Variants in RSPH3 observed in about 807,000 individuals in gnomAD.
RSPH3 encodes radial spoke head protein 3 homolog.
RSPH3 carries 21 observed loss-of-function variants against 43.8 expected under a neutral mutation model. That is an observed-to-expected ratio of 0.48 (90% CI 0.34 to 0.69). The LOEUF is 0.69. Ranked by LOEUF, RSPH3 falls within the 30% of genes least tolerant of loss-of-function variation. The probability of loss-of-function intolerance (pLI) is 0.01; values close to 1 mark genes in which losing one functional copy is unlikely to be tolerated. For synonymous variants in RSPH3, 173 were observed against 179.8 expected (o/e 0.96, Z 0.30); for missense variants, 487 against 516.0 (o/e 0.94, Z 0.54).
At chr6:158,988,911 C>G (rs751405350) in intron 2 of RSPH3, among the ~76,000 whole-genome samples, 8 of 152,078 alleles carry the variant, frequency 5.3e-5, no homozygotes, top group Admixed American at 1.3e-4. Flanking sequence ...TGCTTTGTCC[C>G]TTTAAGTAGG....
chr6:158,963,778 G>C, the RSPH3 span, among the ~76,000 whole-genome samples: 5 of 152,028 alleles, frequency 3.3e-5, no homozygotes, highest in African/African-American at 9.6e-5. Context: ...CTTTTGTAGA[G>C]ACAGGGTCTC....
At chr6:158,992,601 A>C (rs1778454248) in intron 2 of RSPH3, among the ~76,000 whole-genome samples, 1 of 151,944 alleles carries the variant, frequency 6.6e-6, no homozygotes, top group South Asian at 2.1e-4. Context: ...GCCTCTGAGC[A>C]TATTTAAGGT....
At chr6:158,991,763 C>G (rs1778416433) in intron 2 of RSPH3, among the ~76,000 whole-genome samples, 1 of 152,204 alleles carries the variant, frequency 6.6e-6, no homozygotes, top group Non-Finnish European at 1.5e-5. Flanking sequence ...GGTTCTAATG[C>G]AGGAGATCCA....
Position 158,976,517 on chromosome 6 carries a change from A to G in RSPH3, c.*1021T>C, listed in dbSNP as rs1418931254. 2 of 152,220 alleles carry G rather than the reference A, an allele frequency of 1.3e-5. No individual in the cohort carries two copies. The highest frequency in any genetic ancestry group is 4.8e-5 in the African/African-American group (2 of 41,454). The allele number at this position is 152,220 out of a possible 1,614,324, so 9.4% of individuals were successfully genotyped here. ...ATTTATATAAAGAAAATCAAGCTAT[A>G]TATTTCTAGATTTTCAAATACATTT... On this transcript the variant is annotated 3_prime_UTR_variant, in exon 8 of 8. Coordinates refer to ENST00000367069, the MANE Select transcript of RSPH3 (RefSeq NM_031924.8).
intron 1 of RSPH3, among the ~76,000 whole-genome samples, chr6:158,995,895 A>G (rs1034189915): frequency 3.3e-5 from 5 of 151,998 alleles, no homozygotes. Context: ...CACCGTGCCC[A>G]TCCTTCTTCT....
chr6:158,999,153 C>T (rs902497031), intron 1 of RSPH3, among the ~76,000 whole-genome samples: 3 of 152,232 alleles, frequency 2.0e-5, no homozygotes, highest in Admixed American at 1.3e-4. Flanking sequence ...TCAATACACA[C>T]TGGTACAATT....
At chr6:158,993,411 C>T (rs1046074848) in intron 2 of RSPH3, among the ~76,000 whole-genome samples, 3 of 149,888 alleles carry the variant, frequency 2.0e-5, no homozygotes, top group Non-Finnish European at 4.4e-5. Context: ...CCACCGCGCC[C>T]GGCCAACTGG....
intron 1 of RSPH3, among the ~76,000 whole-genome samples, chr6:158,995,579 T>C (rs1018990155): frequency 2.0e-5 from 3 of 151,960 alleles, no homozygotes; most frequent in Admixed American, 6.6e-5. Context: ...TCCTGTGCCT[T>C]CTTCTTTCAC....
At chr6:158,987,803 A>T (rs571337712) in intron 2 of RSPH3, among the ~76,000 whole-genome samples, 2 of 152,258 alleles carry the variant, frequency 1.3e-5, no homozygotes, top group East Asian at 3.9e-4. Flanking sequence ...CATTGCACAT[A>T]TTTTTATATC....
chr6:158,970,504 C>A (rs1375841339), downstream of RSPH3, among the ~76,000 whole-genome samples: 2 of 152,148 alleles, frequency 1.3e-5, no homozygotes, highest in African/African-American at 4.8e-5. Context: ...CAGTCCTACA[C>A]ATGTACCCTA....
downstream of RSPH3, among the ~76,000 whole-genome samples, chr6:158,970,886 G>A (rs1263503847): frequency 1.3e-5 from 2 of 152,088 alleles, no homozygotes; most frequent in Non-Finnish European, 2.9e-5. Context: ...TATCACCACT[G>A]CACTCTCAAG....
At position 158,983,922 on chromosome 6, in the gene RSPH3, C is replaced by T. The variant is rs910718529; in HGVS notation, c.347-115G>A. 19 of 699,384 alleles carry T rather than the reference C, an allele frequency of 2.7e-5. No individual in the cohort carries two copies. The Admixed American group carries it at 4.6e-4, about 17-fold the overall frequency. 43.3% of individuals were successfully genotyped at this position (699,384 alleles called of 1,614,324 possible). A position where few individuals can be genotyped will look rare whatever the true frequency, so the allele number is the denominator to read the frequency against. ...GCCGAGGAGGGTGCATTACTTGAAG[C>T]CAGGAGTTTGAGACCAGCCTGGCCA... On this transcript the variant is annotated intron_variant, in intron 3 of 7. Coordinates refer to ENST00000367069, the MANE Select transcript of RSPH3 (RefSeq NM_031924.8).
At chr6:158,968,610 C>T (rs1425196188), downstream of RSPH3, among the ~76,000 whole-genome samples, 2 of 152,160 alleles carry the variant, frequency 1.3e-5, no homozygotes, top group Admixed American at 6.5e-5. Flanking sequence ...TAATTTAAGA[C>T]AATCTACTTC....
At chr6:158,972,436 C>T (rs551890481), downstream of RSPH3, among the ~76,000 whole-genome samples, 46 of 152,130 alleles carry the variant, frequency 3.0e-4, no homozygotes, top group Admixed American at 7.9e-4. Context: ...AACTTTAGGG[C>T]GAGATAAAAT....
chr6:158,988,530 T>C (rs748594663), intron 2 of RSPH3, among the ~76,000 whole-genome samples: 3 of 152,208 alleles, frequency 2.0e-5, no homozygotes, highest in Non-Finnish European at 2.9e-5. Context: ...GCTTTGATCC[T>C]TTGGGGGTAA....
downstream of RSPH3, among the ~76,000 whole-genome samples, chr6:158,968,639 T>G (rs907567760): frequency 6.6e-6 from 1 of 152,242 alleles, no homozygotes; most frequent in African/African-American, 2.4e-5. Flanking sequence ...AGTAATCTAA[T>G]TTCAAGAGTA....
rs1292038065 is a variant in RSPH3 at position 158,980,889 on chromosome 6, C to T, written c.744G>A (p.Glu248=). The T allele has an allele frequency of 6.2e-7, 1 of 1,614,108 alleles. No homozygotes were observed. The highest frequency in any genetic ancestry group is 8.5e-7 in the Non-Finnish European group (1 of 1,180,004). The part of the protein sequence containing the change: ...QQWEIMHKHN[E]TSQKIAARAF... ...CTCGGGCGGCGATTTTTTGTGATGT[C>T]TCGTTGTGCTTGTGCATTATTTCCC... Residue 248 remains glutamate, a synonymous_variant, in exon 6 of 8, where the codon GAG becomes GAA. Transcript: ENST00000367069.
chr6:158,976,934 C>G lies in RSPH3; in HGVS notation c.*604G>C, dbSNP rs560084036. 6.6e-6 allele frequency: 1 copy of G among 152,562 alleles called. No homozygotes were observed. The highest frequency in any genetic ancestry group is 2.1e-4 in the South Asian group (1 of 4,828). 9.5% of individuals were successfully genotyped at this position (152,562 alleles called of 1,614,324 possible). On this transcript the variant is annotated 3_prime_UTR_variant, in exon 8 of 8. Coordinates refer to ENST00000367069, the MANE Select transcript of RSPH3 (RefSeq NM_031924.8). ...GGTTCAAGTGATTCTCCTGCCTCAG[C>G]CTCCCAAGTAGCTAGGATTACAGGC...
chr6:158,998,297 C>CA (rs71297000), intron 1 of RSPH3, among the ~76,000 whole-genome samples: 3,362 of 53,868 alleles, frequency 0.062, 140 homozygotes, highest in African/African-American at 0.13. Context: ...TAAAAAAATA[C>CA]AAAAAAAAAA....
Sources: gnomAD v4.1 joint callset for allele counts (sites outside exome capture counted in the v4.1 genomes callset) on GRCh38, gnomAD v4.1.1 for gene constraint, MANE v1.5 for transcripts, NCBI Gene and HGNC (gene_info 2026-07-23, HGNC 2026-07-21) for gene names.